The following WDR27 variants were observed in gnomAD, a reference collection of about 807,000 sequenced individuals.
The protein encoded by WDR27 is WD repeat-containing protein 27.
In WDR27, 100 loss-of-function variants were observed where a neutral mutation model predicts 114.4. The observed-to-expected ratio is 0.87, with a 90% confidence interval of 0.74 to 1.03. The LOEUF (loss-of-function observed/expected upper bound fraction) is 1.03, where lower values mean the gene tolerates loss of function less well. Ranked by LOEUF, WDR27 falls within the 50% of genes least tolerant of loss-of-function variation. The probability of loss-of-function intolerance (pLI) is 0.00; values close to 1 mark genes in which losing one functional copy is unlikely to be tolerated. For missense variants in WDR27, 1,129 were observed against 1,092.9 expected (o/e 1.03, Z -0.47); for synonymous variants, 449 against 423.1 (o/e 1.06, Z -0.75).
chr6:169,521,607 G>T (rs912080708), intron 25 of WDR27, among the ~76,000 whole-genome samples: 6 of 151,986 alleles, frequency 3.9e-5, no homozygotes, highest in Non-Finnish European at 7.4e-5. Context: ...GGCCTTTTAA[G>T]AAACAGGTAA....
At chr6:169,626,084 C>T (rs1370095396) in intron 21 of WDR27, among the ~76,000 whole-genome samples, 2 of 152,178 alleles carry the variant, frequency 1.3e-5, no homozygotes, top group South Asian at 4.1e-4. Flanking sequence ...GCTGCTGGGG[C>T]CTCTGAAGAA....
chr6:169,664,584 C>A (rs1827254266), intron 7 of WDR27: 1 of 1,268,610 alleles, frequency 7.9e-7, no homozygotes, highest in East Asian at 4.2e-5. Flanking sequence ...GCCCCAGGCT[C>A]TCTGCACACA....
chr6:169,590,253 C>G (rs368228392), intron 23 of WDR27, among the ~76,000 whole-genome samples: 6 of 152,134 alleles, frequency 3.9e-5, no homozygotes, highest in African/African-American at 9.7e-5. Flanking sequence ...AGAAAGGAGA[C>G]AAAGAATTAC....
At position 169,659,411 on chromosome 6, in the gene WDR27, C is replaced by A. The variant is rs1825301159; in HGVS notation, c.1197+40G>T. The stretch of plus-strand genomic sequence containing the variant: ...CTCTGAAGAAAGAAGAAATCAGAGG[C>A]ACGTCTCATAGACAGGGAGGGCCGC... On this transcript the variant is annotated intron_variant, in intron 11 of 25. Coordinates refer to ENST00000448612, the MANE Select transcript of WDR27 (RefSeq NM_182552.5). The surrounding 1 kb of genome is among the most constrained non-coding windows in gnomAD (Gnocchi z 4.3). 1.9e-6 allele frequency: 3 copies of A among 1,597,404 alleles called. No homozygotes were observed. Among genetic ancestry groups the A allele is most frequent in the Non-Finnish European group, 1.7e-6 (2 of 1,171,344 alleles).
Position 169,679,344 on chromosome 6 carries a change from C to T in WDR27, c.190-6948G>A, listed in dbSNP as rs564940510. Among the ~76,000 whole-genome samples, 11 of 152,196 alleles carry T rather than the reference C, an allele frequency of 7.2e-5. No individual in the cohort carries two copies. The East Asian group carries it at 1.9e-3, about 27-fold the overall frequency. On this transcript the variant is annotated intron_variant, in intron 2 of 25. Transcript: ENST00000448612. ...TTTTACAAAGTTTGACTCTTTTCGT[C>T]GACAAGACTTTGGGGGACTGTTGGA...
chr6:169,480,734 G>A (rs1193414752), intron 25 of WDR27, among the ~76,000 whole-genome samples: 1 of 152,106 alleles, frequency 6.6e-6, no homozygotes, highest in Non-Finnish European at 1.5e-5. Context: ...TCAGTGCTCT[G>A]TGTCTAGCTA....
intron 21 of WDR27, among the ~76,000 whole-genome samples, chr6:169,620,072 C>G (rs552782730): frequency 6.6e-6 from 1 of 152,120 alleles, no homozygotes; most frequent in Non-Finnish European, 1.5e-5. Context: ...ACCCATCTGA[C>G]GAGAATTGAT....
chr6:169,457,684 T>A, intron 25 of WDR27, 50 bp from the exon 26 acceptor site: 2 of 1,422,414 alleles, frequency 1.4e-6, no homozygotes, highest in African/African-American at 2.9e-5. Context: ...TTTTATTAAT[T>A]GATAACTCTA....
At chr6:169,434,574 T>C in the WDR27 span, among the ~76,000 whole-genome samples, 11 of 152,198 alleles carry the variant, frequency 7.2e-5, no homozygotes, top group African/African-American at 1.9e-4. Flanking sequence ...ACTTTTTTTT[T>C]CTGACTCTTG....
chr6:169,626,448 C>T (rs375922064), intron 21 of WDR27, among the ~76,000 whole-genome samples: 46 of 152,228 alleles, frequency 3.0e-4, no homozygotes, highest in African/African-American at 7.2e-4. Flanking sequence ...ACACAGTGGG[C>T]GGTGGGGGGT....
chr6:169,677,513 A>G (rs1478028353), intron 2 of WDR27, among the ~76,000 whole-genome samples: 2 of 152,284 alleles, frequency 1.3e-5, no homozygotes, highest in Non-Finnish European at 2.9e-5. Flanking sequence ...AAAGCAGAGC[A>G]TAAAAGTTCA....
intron 25 of WDR27, among the ~76,000 whole-genome samples, chr6:169,505,890 T>C (rs1160604815): frequency 6.6e-6 from 1 of 152,214 alleles, no homozygotes; most frequent in Non-Finnish European, 1.5e-5. Context: ...ATCACAGTGA[T>C]GCTGAAGCTG....
rs185760184 is a variant in WDR27, at chr6:169,664,535, T to G, written c.784-249A>C. 257 of 1,354,386 alleles carry G rather than the reference T, an allele frequency of 1.9e-4. No individual in the cohort carries two copies. The African/African-American group carries it at 3.5e-3, about 18-fold the overall frequency. 83.9% of individuals were successfully genotyped at this position (1,354,386 alleles called of 1,614,324 possible). On this transcript the variant is annotated intron_variant, in intron 7 of 25. Coordinates refer to ENST00000448612, the MANE Select transcript of WDR27 (RefSeq NM_182552.5). ...TCAGGGCACATGGGCAGGATCCTAC[T>G]GTGCAGGCCTCCCCAAGATGCTCCT...
chr6:169,570,754 G>A (rs1004212657), intron 25 of WDR27, among the ~76,000 whole-genome samples: 2 of 152,190 alleles, frequency 1.3e-5, no homozygotes, highest in African/African-American at 2.4e-5. Context: ...GCTTAAACCT[G>A]GGAGGCGGAG....
Position 169,643,779 on chromosome 6 carries a change from C to A in WDR27, c.1665G>T (p.Gly555=). 1 of 1,612,366 alleles carries A rather than the reference C, an allele frequency of 6.2e-7. No individual in the cohort carries two copies. The highest frequency in any genetic ancestry group is 8.5e-7 in the Non-Finnish European group (1 of 1,179,044). Residue 555 remains glycine (G), a synonymous_variant, in exon 17 of 26, where the codon GGG becomes GGT. Transcript: ENST00000448612. ...TGGCCAACCCACAGGCCAGCCACTG[C>A]CCATCTCCTGTTAAAAGAATTTTAA... ...RVCCIQYSGD[G]QWLACGLANH...
downstream of WDR27, among the ~76,000 whole-genome samples, chr6:169,452,443 T>C (rs1027524338): frequency 1.3e-5 from 2 of 152,188 alleles, no homozygotes; most frequent in African/African-American, 4.8e-5. Flanking sequence ...GATCACCCTG[T>C]GAAGAAACGG....
At chr6:169,503,716 G>A (rs150491363) in intron 25 of WDR27, among the ~76,000 whole-genome samples, 38 of 152,094 alleles carry the variant, frequency 2.5e-4, no homozygotes, top group African/African-American at 8.7e-4. Context: ...GGGCCTGCCC[G>A]GTATTCCCAC....
intron 22 of WDR27, 140 bp from the exon 23 acceptor site, chr6:169,602,461 T>C (rs1808209218): frequency 5.1e-6 from 3 of 585,828 alleles, no homozygotes; most frequent in Non-Finnish European, 9.3e-6. Flanking sequence ...GTGAGAATTA[T>C]TAAATGGTTA....
chr6:169,518,922 T>C (rs1378774523), intron 25 of WDR27, among the ~76,000 whole-genome samples: 1 of 152,190 alleles, frequency 6.6e-6, no homozygotes, highest in African/African-American at 2.4e-5. Context: ...TCTTGAACAC[T>C]TTGTTGCTTA....
Sources: allele counts gnomAD v4.1 joint callset (sites outside exome capture counted in the v4.1 genomes callset), GRCh38; gene constraint gnomAD v4.1.1; non-coding constraint Gnocchi (gnomAD v3.1); transcripts MANE v1.5; gene names NCBI Gene and HGNC (gene_info 2026-07-23, HGNC 2026-07-21).